PPL: variants seen among roughly 807,000 people sequenced by gnomAD.
PPL encodes the protein periplakin, also known as 190 kDa paraneoplastic pemphigus antigen.
In PPL, 198 loss-of-function variants were observed where a neutral mutation model predicts 194.4. The ratio of observed to expected loss-of-function variants is 1.02; its 90% CI spans 0.91 to 1.15. The LOEUF is 1.15. Among genes scored for constraint, PPL ranks in the 50% most tolerant of loss-of-function variants. The pLI, the probability that PPL is intolerant of heterozygous loss-of-function variation, is 0.00. For missense variants in PPL, 2,885 were observed against 2,294.8 expected (o/e 1.26, Z -5.25); for synonymous variants, 1,220 against 972.4 (o/e 1.25, Z -4.74).
chr16:4,894,025 G>C (rs186008722), intron 12 of PPL, among the ~76,000 whole-genome samples: 3 of 152,274 alleles, frequency 2.0e-5, no homozygotes, highest in Non-Finnish European at 2.9e-5. Context: ...CTAGGCCCTG[G>C]AGAGAGGAAA....
At position 4,885,824 on chromosome 16, in the gene PPL, G is replaced by C; in HGVS notation, c.2831C>G (p.Pro944Arg). 6.2e-7 allele frequency: 1 copy of C among 1,608,172 alleles called. No individual in the cohort carries two copies. The highest frequency in any genetic ancestry group is 8.5e-7 in the Non-Finnish European group (1 of 1,179,986). The change falls in exon 22 of 22, where the codon CCC becomes CGC. Residue 944 changes from proline to arginine, a missense_variant. By Grantham distance (103) the Pro-to-Arg change is moderately radical. Transcript: ENST00000345988. The surrounding 1 kb of genome is among the most constrained non-coding windows in gnomAD (Gnocchi z 6.3). The stretch of plus-strand genomic sequence containing the variant: ...CTGCTGGAAGCTCTCCTCCAGCACG[G>C]GATCCGGCACCTTCTTGAGCACCTC... The part of the protein sequence containing the change: ...RKEVLKKVPD[P>R]VLEESFQQLQ...
At chr16:4,917,117 G>A (rs1250087900) in intron 1 of PPL, among the ~76,000 whole-genome samples, 1 of 151,904 alleles carries the variant, frequency 6.6e-6, no homozygotes, top group African/African-American at 2.4e-5. Flanking sequence ...GGGTGATGGA[G>A]CAAGACTCCA....
chr16:4,895,297 G>C lies in PPL; in HGVS notation c.1206C>G (p.Ile402Met). The change falls in exon 11 of 22, where the codon ATC becomes ATG. Residue 402 changes from isoleucine to methionine, a missense_variant. Ile to Met is a conservative substitution (Grantham distance 10). Transcript: ENST00000345988. ...KYRRETPLKP[I>M]PVEALCDFEG... is the part of the protein sequence containing the mutation. Reference sequence around the variant, plus strand: ...CAAAGTCACAGAGTGCCTCCACGGGGATGGGCTTGAGCGGAGTCTCCCGGC... The same window carrying C: ...CAAAGTCACAGAGTGCCTCCACGGGCATGGGCTTGAGCGGAGTCTCCCGGC... The C allele has an allele frequency of 6.2e-7, 1 of 1,612,592 alleles. No homozygotes were observed. The highest frequency in any genetic ancestry group is 8.5e-7 in the Non-Finnish European group (1 of 1,179,524).
chr16:4,929,421 G>T lies in PPL; in HGVS notation c.62+7563C>A, dbSNP rs563155883. On this transcript the variant is annotated intron_variant, in intron 1 of 21. Coordinates refer to ENST00000345988, the MANE Select transcript of PPL (RefSeq NM_002705.5). The stretch of plus-strand genomic sequence containing the variant: ...AGGCTCTTCCCACGCTGTGCCCCCC[G>T]CCAGCTGTGCCCCACGCCAGCTCGC... 2.6e-4 allele frequency among the ~76,000 whole-genome samples: 39 copies of T among 151,848 alleles called. No individual in the cohort carries two copies. The South Asian group carries it at 2.7e-3, about 11-fold the overall frequency.
At chr16:4,887,303 G>T in intron 20 of PPL, 76 bp from the exon 21 acceptor site, 2 of 1,105,040 alleles carry the variant, frequency 1.8e-6, no homozygotes, top group Middle Eastern at 2.4e-4. Context: ...TAGACAGCGT[G>T]GACGTGGTTC....
intron 16 of PPL, 25 bp from the exon 17 acceptor site, chr16:4,890,946 C>T (rs772303917): frequency 8.1e-5 from 121 of 1,489,698 alleles, no homozygotes; most frequent in Non-Finnish European, 9.5e-5. Context: ...GAGGAGACGG[C>T]GGTGCTACGG....
At chr16:4,920,074 A>C (rs753161379) in intron 1 of PPL, among the ~76,000 whole-genome samples, 11 of 151,960 alleles carry the variant, frequency 7.2e-5, no homozygotes, top group African/African-American at 1.7e-4. Flanking sequence ...TCACGAGGTC[A>C]GGAGATCGAG....
In PPL at chr16:4,899,080, A is replaced by G. The variant is rs1003927032; in HGVS notation, c.809T>C (p.Ile270Thr). The G allele has an allele frequency of 6.4e-7, 1 of 1,551,570 alleles. No individual in the cohort carries two copies. Among genetic ancestry groups the G allele is most frequent in the East Asian group, 2.5e-5 (1 of 40,362 alleles). Reference protein sequence around the residue: ...NRNLEAKEERINKLHSEGDQL... With the variant: ...NRNLEAKEERTNKLHSEGDQL... ...GTCGCCCTCGCTGTGCAGTTTGTTG[A>G]TTCTCTCCTCTTTGGCCTCCAGGTT... Residue 270 changes from isoleucine (I) to threonine (T), a missense_variant, in exon 8 of 22, where the codon ATC (isoleucine) becomes ACC (threonine). By Grantham distance (89) the Ile-to-Thr change is moderately conservative. Coordinates refer to ENST00000345988, the MANE Select transcript of PPL (RefSeq NM_002705.5).
intron 1 of PPL, among the ~76,000 whole-genome samples, chr16:4,921,993 A>G (rs1016396254): frequency 2.6e-5 from 4 of 151,946 alleles, no homozygotes; most frequent in African/African-American, 7.3e-5. Flanking sequence ...GCAGAGAAAG[A>G]TAACACAGGT....
intron 1 of PPL, among the ~76,000 whole-genome samples, chr16:4,930,331 T>C (rs763326777): frequency 2.6e-5 from 4 of 152,188 alleles, no homozygotes; most frequent in Non-Finnish European, 5.9e-5. Context: ...CTCACCGTCC[T>C]GCACGCAGGA....
chr16:4,887,109 T>G lies in PPL; in HGVS notation c.2607+26A>C, dbSNP rs576799380. On this transcript the variant is annotated intron_variant, in intron 21 of 21. Transcript: ENST00000345988. ...TGTCACCTGTTAGAACAGCCTGAAGTAGAATTTCTTACTAAGATCAGTTAC... is the reference window on the plus strand; with the variant it reads ...TGTCACCTGTTAGAACAGCCTGAAGGAGAATTTCTTACTAAGATCAGTTAC... 7 of 1,550,574 alleles carry G rather than the reference T, an allele frequency of 4.5e-6. No homozygotes were observed. In the East Asian group the frequency reaches 6.7e-5, roughly 15 times the overall value.
At chr16:4,917,219 A>G (rs927737383) in intron 1 of PPL, among the ~76,000 whole-genome samples, 1 of 152,238 alleles carries the variant, frequency 6.6e-6, no homozygotes. Context: ...TCACAGCAGC[A>G]TGATTCATAA....
intron 21 of PPL, 94 bp downstream of exon 21, chr16:4,887,041 T>A (rs2088229875): frequency 9.3e-7 from 1 of 1,076,168 alleles, no homozygotes; most frequent in Non-Finnish European, 1.4e-6. Context: ...AGGGGACACT[T>A]CCATCAATTC....
rs2088203893 is a variant in PPL, at chr16:4,885,647, T to G, written c.3008A>C (p.Asp1003Ala). ...CAAGACCTCATCCGCCTGGGCCCTG[T>G]CAGGCTCGATGCGCAGGACCTCCTT... ...VVKEVLRIEP[D>A]RAQADEVLQL... Residue 1003 changes from aspartate to alanine, a missense_variant, in exon 22 of 22, where the codon GAC becomes GCC. Physicochemically the swap from Asp to Ala is moderately radical, Grantham distance 126 (BLOSUM62 -2). Coordinates refer to ENST00000345988, the MANE Select transcript of PPL (RefSeq NM_002705.5). The surrounding 1 kb of genome is among the most constrained non-coding windows in gnomAD (Gnocchi z 6.3). 6.2e-7 allele frequency: 1 copy of G among 1,612,790 alleles called. No homozygotes were observed.
intron 4 of PPL, among the ~76,000 whole-genome samples, chr16:4,901,548 G>C (rs1251954339): frequency 6.6e-6 from 1 of 152,054 alleles, no homozygotes; most frequent in East Asian, 1.9e-4. Context: ...AATTAGCCAG[G>C]TGTGGTGGCA....
At chr16:4,887,028 G>T in intron 21 of PPL, 107 bp downstream of exon 21, 2 of 956,870 alleles carry the variant, frequency 2.1e-6, no homozygotes, top group Non-Finnish European at 3.3e-6. Context: ...AGAAACGTTA[G>T]CAAGGGGACA....
At chr16:4,918,292 CA>C (rs145927654) in intron 1 of PPL, among the ~76,000 whole-genome samples, 48 of 138,388 alleles carry the variant, frequency 3.5e-4, no homozygotes, top group African/African-American at 5.7e-4. Flanking sequence ...GACTCCATTT[CA>C]AAAAAAAAAA....
intron 21 of PPL, 148 bp downstream of exon 21, chr16:4,886,987 G>C: frequency 5.8e-6 from 4 of 687,232 alleles, no homozygotes; most frequent in Non-Finnish European, 7.8e-6. Flanking sequence ...AGAAGCATTG[G>C]CTCGGGCCAG....
At chr16:4,898,386 G>A (rs1364295228) in intron 8 of PPL, among the ~76,000 whole-genome samples, 1 of 152,176 alleles carries the variant, frequency 6.6e-6, no homozygotes, top group Non-Finnish European at 1.5e-5. Context: ...CTCAGGCGGG[G>A]TTGGTGGCAT....
Sources: allele counts gnomAD v4.1 joint callset (sites outside exome capture counted in the v4.1 genomes callset), GRCh38; gene constraint gnomAD v4.1.1; non-coding constraint Gnocchi (gnomAD v3.1); transcripts MANE v1.5; gene names NCBI Gene and HGNC (gene_info 2026-07-23, HGNC 2026-07-21).